The following CENPE variants were observed in gnomAD, a reference collection of about 807,000 sequenced individuals.
CENPE encodes the protein centromere protein E, also known as centromere-associated protein E.
CENPE carries 145 observed loss-of-function variants against 336.1 expected under a neutral mutation model. The ratio of observed to expected loss-of-function variants is 0.43; its 90% CI spans 0.38 to 0.50. The LOEUF (loss-of-function observed/expected upper bound fraction) is 0.50. CENPE is among the 20% of genes least tolerant of loss of function. CENPE has a pLI of 0.00. For synonymous variants in CENPE, 1,013 were observed against 984.8 expected (o/e 1.03, Z -0.54); for missense variants, 2,719 against 3,023.3 (o/e 0.90, Z 2.36).
At chr4:103,123,139 C>T (rs1418526053) in intron 42 of CENPE, 50 bp from the exon 43 acceptor site, 1 of 1,280,906 alleles carries the variant, frequency 7.8e-7, no homozygotes, top group East Asian at 2.3e-5. Context: ...TTATAGTAGT[C>T]CCCACTTACC....
chr4:103,116,644 C>A lies in CENPE; in HGVS notation c.7375G>T (p.Asp2459Tyr). 6.3e-7 allele frequency: 1 copy of A among 1,594,642 alleles called. No homozygotes were observed. The highest frequency in any genetic ancestry group is 1.2e-5 in the South Asian group (1 of 85,884). Residue 2459 changes from aspartate (D) to tyrosine (Y), a missense_variant, in exon 45 of 49, where the codon GAT (aspartate) becomes TAT (tyrosine). Physicochemically the swap from Asp to Tyr is radical, Grantham distance 160. This residue lies in a region of CENPE where 2,437 missense variants were observed against 2,513.3 expected (regional missense o/e 0.97). Transcript: ENST00000265148. The stretch of plus-strand genomic sequence containing the variant: ...ATTTTCACAAGCTTCATTTTGAGAT[C>A]TTCAATTTCTTCTTTATATGGCTTA... ...GAKPYKEEIE[D>Y]LKMKLVKIDL... is the part of the protein sequence containing the mutation.
chr4:103,153,257 C>CA lies in CENPE; in HGVS notation c.3034-8dup. 1 of 1,576,188 alleles carries CA rather than the reference C, an allele frequency of 6.3e-7. No individual in the cohort carries two copies. The highest frequency in any genetic ancestry group is 8.6e-7 in the Non-Finnish European group (1 of 1,158,188). ...TTTTATCTATGCCAACCATCTAAAA[C>CA]ATAAACACATTACAGAAGAATTTCT... is the stretch of plus-strand genomic sequence containing the variant. On this transcript the variant is annotated splice_polypyrimidine_tract_variant and splice_region_variant and intron_variant, in intron 24 of 48. Transcript: ENST00000265148.
chr4:103,196,922 T>G (rs909411186), intron 1 of CENPE, 72 bp from the exon 2 acceptor site: 1 of 738,698 alleles, frequency 1.4e-6, no homozygotes, highest in Non-Finnish European at 2.4e-6. Context: ...TTGAAAAGAT[T>G]TCACCTGCTA....
At chr4:103,152,208 C>T (rs931425609) in intron 25 of CENPE, among the ~76,000 whole-genome samples, 1 of 151,826 alleles carries the variant, frequency 6.6e-6, no homozygotes, top group Admixed American at 6.6e-5. Context: ...AAATCTACAA[C>T]ATACCTCTTT....
At chr4:103,135,150 T>C (rs1261611835) in intron 40 of CENPE, among the ~76,000 whole-genome samples, 1 of 152,216 alleles carries the variant, frequency 6.6e-6, no homozygotes, top group Non-Finnish European at 1.5e-5. Context: ...CAGAGTTCTG[T>C]TTTTATCCCA....
At position 103,106,319 on chromosome 4, in the gene CENPE, G is replaced by T; in HGVS notation, c.8012-3C>A. 6.3e-7 allele frequency: 1 copy of T among 1,580,902 alleles called. No homozygotes were observed. Among genetic ancestry groups the T allele is most frequent in the Non-Finnish European group, 8.6e-7 (1 of 1,161,236 alleles). On this transcript the variant is annotated splice_polypyrimidine_tract_variant and splice_region_variant and intron_variant, in intron 48 of 48. Coordinates refer to ENST00000265148, the MANE Select transcript of CENPE (RefSeq NM_001813.3). ...CTCTGCTCCTGCATTTTGCACCTCTGAGAAAGAAAATGAAAACAACATTCA... is the reference window on the plus strand; with the variant it reads ...CTCTGCTCCTGCATTTTGCACCTCTTAGAAAGAAAATGAAAACAACATTCA...
chr4:103,112,321 G>GTA (rs1749522141), intron 46 of CENPE, among the ~76,000 whole-genome samples: 1 of 135,268 alleles, frequency 7.4e-6, no homozygotes, highest in African/African-American at 2.6e-5. Context: ...ATACTTATAA[G>GTA]TGTATATATA....
intron 44 of CENPE, among the ~76,000 whole-genome samples, chr4:103,118,680 T>C (rs1214735833): frequency 6.6e-6 from 1 of 152,210 alleles, no homozygotes; most frequent in Non-Finnish European, 1.5e-5. Context: ...TGTATGCCTA[T>C]GATCTATTTT....
rs140571436 is a variant in CENPE, at chr4:103,143,845, A to C, written c.5146-439T>G. ...CAACTGGACTTGTGGATCAACGAATAAACCTTTGGAAAAATTTGGAAGGTA... is the reference window on the plus strand; with the variant it reads ...CAACTGGACTTGTGGATCAACGAATCAACCTTTGGAAAAATTTGGAAGGTA... On this transcript the variant is annotated intron_variant, in intron 33 of 48. Coordinates refer to ENST00000265148, the MANE Select transcript of CENPE (RefSeq NM_001813.3). Among the ~76,000 whole-genome samples, 726 of 152,352 alleles carry C rather than the reference A, an allele frequency of 4.8e-3. 7 individuals carry two copies. The highest frequency in any genetic ancestry group is 0.016 in the African/African-American group (674 of 41,574).
intron 26 of CENPE, among the ~76,000 whole-genome samples, chr4:103,150,584 CA>C (rs533053568): frequency 3.6e-4 from 49 of 137,022 alleles, no homozygotes; most frequent in Admixed American, 5.8e-4. Context: ...GACCCTGTCT[CA>C]AAAAAAAAAG....
intron 11 of CENPE, 79 bp from the exon 12 acceptor site, chr4:103,181,535 A>G: frequency 8.3e-7 from 1 of 1,205,580 alleles, no homozygotes; most frequent in Non-Finnish European, 1.1e-6. Flanking sequence ...TAGCTTTCTT[A>G]TATTCAAGAT....
At chr4:103,135,404 A>T (rs910815756) in intron 40 of CENPE, among the ~76,000 whole-genome samples, 1 of 152,072 alleles carries the variant, frequency 6.6e-6, no homozygotes, top group Admixed American at 6.5e-5. Context: ...TTATTTTTGA[A>T]TCTCAGTTAA....
intron 24 of CENPE, among the ~76,000 whole-genome samples, chr4:103,156,513 A>G (rs1753969650): frequency 6.6e-6 from 1 of 152,184 alleles, no homozygotes; most frequent in Non-Finnish European, 1.5e-5. Context: ...TGGTGTTGGG[A>G]AAACAATAGC....
chr4:103,176,785 T>C, intron 14 of CENPE, 114 bp downstream of exon 14: 1 of 757,860 alleles, frequency 1.3e-6, no homozygotes, highest in East Asian at 3.0e-5. Context: ...TAATCACATA[T>C]GAAATACACA....
chr4:103,132,773 T>C lies in CENPE; in HGVS notation c.6844A>G (p.Ile2282Val). 6.3e-7 allele frequency: 1 copy of C among 1,582,380 alleles called. No individual in the cohort carries two copies. Among genetic ancestry groups the C allele is most frequent in the Non-Finnish European group, 8.6e-7 (1 of 1,156,458 alleles). ...TGGATGCCATTTTTAAGCTTTTCTA[T>C]ATCAAAACGAGTATTTAACCACTCT... ...LEEWLNTRFD[I>V]EKLKNGIQKE... The change falls in exon 42 of 49, where the codon ATA becomes GTA. Residue 2282 changes from isoleucine (I) to valine (V), a missense_variant. Physicochemically the swap from Ile to Val is conservative, Grantham distance 29. Around this residue, in one of 5 missense-constraint regions of CENPE, gnomAD observed 2,437 missense variants for 2,513.3 expected, o/e 0.97. Coordinates refer to ENST00000265148, the MANE Select transcript of CENPE (RefSeq NM_001813.3).
chr4:103,140,469 A>ATAT, intron 36 of CENPE, 55 bp from the exon 37 acceptor site: 2 of 1,218,694 alleles, frequency 1.6e-6, no homozygotes, highest in Non-Finnish European at 2.3e-6. Context: ...CGTTACCTTT[A>ATAT]CTTAATGATT....
At chr4:103,108,244 C>CTT (rs769449653) in intron 48 of CENPE, among the ~76,000 whole-genome samples, 9 of 143,310 alleles carry the variant, frequency 6.3e-5, no homozygotes, top group Admixed American at 1.4e-4. Flanking sequence ...TATAATTTCA[C>CTT]TTTTTTTTTT....
intron 18 of CENPE, among the ~76,000 whole-genome samples, 199 bp downstream of exon 18, chr4:103,162,938 C>A (rs1196348042): frequency 6.6e-6 from 1 of 152,118 alleles, no homozygotes; most frequent in Non-Finnish European, 1.5e-5. Flanking sequence ...CAACTTTCCA[C>A]AAATGTGACT....
chr4:103,177,095 A>G, intron 13 of CENPE, 49 bp from the exon 14 acceptor site: 1 of 1,440,102 alleles, frequency 6.9e-7, no homozygotes, highest in Non-Finnish European at 9.4e-7. Flanking sequence ...GTATTCAAAC[A>G]TAATAAAACA....
Sources: allele counts gnomAD v4.1 joint callset (sites outside exome capture counted in the v4.1 genomes callset), GRCh38; gene constraint gnomAD v4.1.1; regional missense constraint gnomAD v4.1.1; transcripts MANE v1.5; gene names NCBI Gene and HGNC (gene_info 2026-07-23, HGNC 2026-07-21).